The following SDK2 variants were observed in gnomAD, a reference collection of about 807,000 sequenced individuals.
SDK2 encodes sidekick cell adhesion molecule 2.
Under a neutral mutation model 253.9 loss-of-function variants are expected in SDK2, and 105 were observed. That is an observed-to-expected ratio of 0.41 (90% CI 0.35 to 0.49). SDK2 has a LOEUF of 0.49. Ranked by LOEUF, SDK2 falls within the 20% of genes least tolerant of loss-of-function variation. The probability of loss-of-function intolerance (pLI) is 0.06; values close to 1 mark genes in which losing one functional copy is unlikely to be tolerated. For missense variants in SDK2, 2,608 were observed against 3,003.0 expected (o/e 0.87, Z 3.07); for synonymous variants, 1,249 against 1,234.9 (o/e 1.01, Z -0.24).
chr17:73,580,217 T>G (rs1275071329), intron 1 of SDK2, among the ~76,000 whole-genome samples: 1 of 152,224 alleles, frequency 6.6e-6, no homozygotes. Flanking sequence ...TGGGTTCTCC[T>G]TTCTGTTAGA....
At chr17:73,472,965 A>T (rs2145696419) in intron 2 of SDK2, among the ~76,000 whole-genome samples, 1 of 152,346 alleles carries the variant, frequency 6.6e-6, no homozygotes, top group South Asian at 2.1e-4. Context: ...CCCCAGCCAC[A>T]TGGAACTGTG....
intron 12 of SDK2, among the ~76,000 whole-genome samples, chr17:73,424,585 A>G (rs909615219): frequency 6.6e-6 from 1 of 152,268 alleles, no homozygotes; most frequent in African/African-American, 2.4e-5. Context: ...CAGTCAATAC[A>G]AATGGGGCTT....
intron 16 of SDK2, among the ~76,000 whole-genome samples, chr17:73,418,071 G>A (rs1436797362): frequency 6.7e-6 from 1 of 148,762 alleles, no homozygotes; most frequent in South Asian, 2.1e-4. Flanking sequence ...GCAGTGGTGC[G>A]ATCTTGGCTC....
chr17:73,415,828 T>G lies in SDK2; in HGVS notation c.2351A>C (p.Glu784Ala). ...GLGVYSSKVT[E>A]WTLQGVPTVP... is the part of the protein sequence containing the mutation. ...CTACCTACCTCCCTGCAGCGTCCAC[T>G]CGGTGACTTTACTGCTGTAGACCCC... The change falls in exon 17 of 45, where the codon GAG (glutamate) becomes GCG (alanine). Residue 784 changes from glutamate to alanine, a missense_variant. Glu to Ala is a moderately radical substitution (Grantham distance 107). Transcript: ENST00000392650. The G allele has an allele frequency of 1.3e-6, 2 of 1,553,626 alleles. No individual in the cohort carries two copies. Among genetic ancestry groups the G allele is most frequent in the Non-Finnish European group, 1.7e-6 (2 of 1,148,092 alleles).
chr17:73,627,651 C>T (rs374757522), intron 1 of SDK2, among the ~76,000 whole-genome samples: 6 of 152,342 alleles, frequency 3.9e-5, no homozygotes, highest in East Asian at 1.9e-4. Context: ...CAGAGCCCCT[C>T]GGGCTCACAT....
At chr17:73,562,426 T>C (rs1472180427) in intron 1 of SDK2, among the ~76,000 whole-genome samples, 3 of 152,220 alleles carry the variant, frequency 2.0e-5, no homozygotes, top group Admixed American at 6.5e-5. Context: ...GTTCTCTTTT[T>C]AGATCCAATT....
chr17:73,341,814 G>A (rs1256640154), intron 44 of SDK2, among the ~76,000 whole-genome samples: 6 of 152,170 alleles, frequency 3.9e-5, no homozygotes, highest in Non-Finnish European at 8.8e-5. Flanking sequence ...AATGGAGCAG[G>A]CCCTCTGCCA....
chr17:73,380,017 T>G (rs560570834), intron 34 of SDK2, among the ~76,000 whole-genome samples: 123 of 152,224 alleles, frequency 8.1e-4, no homozygotes, highest in Non-Finnish European at 1.5e-3. Context: ...AATTCTGGAC[T>G]AAGAAACCTG....
intron 27 of SDK2, among the ~76,000 whole-genome samples, chr17:73,392,298 C>A (rs2062934812): frequency 6.6e-6 from 1 of 150,400 alleles, no homozygotes; most frequent in Admixed American, 6.6e-5. Flanking sequence ...AATACCGAGT[C>A]TCGCTCTGTT....
In SDK2 at chr17:73,362,405, A is replaced by AGT. The variant is rs1402382502; in HGVS notation, c.5306-561_5306-560insAC. On this transcript the variant is annotated intron_variant, in intron 38 of 44. Coordinates refer to ENST00000392650, the MANE Select transcript of SDK2 (RefSeq NM_001144952.2). ...GCCCTCCAGCACCTATATCTGCCAC[A>AGT]ATTTTTTTTTTTTTTTTAAGACAAG... Among the ~76,000 whole-genome samples the AGT allele has an allele frequency of 8.8e-4, 99 of 112,478 alleles. 1 individual carries two copies. The highest frequency in any genetic ancestry group is 3.6e-3 in the African/African-American group (95 of 26,148). 73.8% of individuals were successfully genotyped at this position (112,478 alleles called of 152,430 possible). A position where few individuals can be genotyped will look rare whatever the true frequency, so the allele number is the denominator to read the frequency against.
At chr17:73,375,449 G>A (rs1262633442) in intron 36 of SDK2, among the ~76,000 whole-genome samples, 1 of 151,896 alleles carries the variant, frequency 6.6e-6, no homozygotes, top group Non-Finnish European at 1.5e-5. Flanking sequence ...CTTTTACCAT[G>A]TTGCCCAGGC....
In SDK2 at chr17:73,480,393, C is replaced by A. The variant is rs555347719; in HGVS notation, c.225-8175G>T. Among the ~76,000 whole-genome samples the A allele has an allele frequency of 3.9e-5, 6 of 152,234 alleles. No homozygotes were observed. The South Asian group carries it at 1.0e-3, about 26-fold the overall frequency. Reference sequence around the variant, plus strand: ...AAATTTTGATCTAGGCCATGTTAATCAAAAATTGTTGCTGAGTGCTGGCCA... The same window carrying A: ...AAATTTTGATCTAGGCCATGTTAATAAAAAATTGTTGCTGAGTGCTGGCCA... On this transcript the variant is annotated intron_variant, in intron 2 of 44. Coordinates refer to ENST00000392650, the MANE Select transcript of SDK2 (RefSeq NM_001144952.2).
At chr17:73,425,330 G>C (rs2063272330) in intron 12 of SDK2, among the ~76,000 whole-genome samples, 1 of 152,168 alleles carries the variant, frequency 6.6e-6, no homozygotes, top group Non-Finnish European at 1.5e-5. Context: ...AAACTCAAAA[G>C]TTTTCTGATA....
intron 36 of SDK2, among the ~76,000 whole-genome samples, chr17:73,378,850 G>T (rs956255046): frequency 3.3e-5 from 5 of 152,176 alleles, no homozygotes; most frequent in African/African-American, 1.2e-4. Flanking sequence ...TATGTATGGG[G>T]TTGGGGGCTG....
chr17:73,527,100 G>A (rs1042616487), intron 1 of SDK2, among the ~76,000 whole-genome samples: 1 of 152,212 alleles, frequency 6.6e-6, no homozygotes, highest in Non-Finnish European at 1.5e-5. Flanking sequence ...CTAGGCGGAT[G>A]GGCACTTGGG....
In SDK2 at chr17:73,383,425, G is replaced by A. The variant is rs1409600511; in HGVS notation, c.4705+451C>T. Among the ~76,000 whole-genome samples the A allele has an allele frequency of 6.6e-6, 1 of 152,230 alleles. No individual in the cohort carries two copies. The highest frequency in any genetic ancestry group is 1.5e-5 in the Non-Finnish European group (1 of 68,048). ...GACTACTGCTCTAGGGGTGTGACCAGGTGAGGCTTCTGGTCCCTCAAGGGC... is the reference window on the plus strand; with the variant it reads ...GACTACTGCTCTAGGGGTGTGACCAAGTGAGGCTTCTGGTCCCTCAAGGGC... On this transcript the variant is annotated intron_variant, in intron 33 of 44. Coordinates refer to ENST00000392650, the MANE Select transcript of SDK2 (RefSeq NM_001144952.2). This position sits in a 1 kb window ranked among gnomAD's most constrained non-coding sequence, Gnocchi z 4.3.
Position 73,435,084 on chromosome 17 carries a change from T to C in SDK2, c.1195+366A>G, listed in dbSNP as rs896016985. Among the ~76,000 whole-genome samples the C allele has an allele frequency of 3.3e-5, 5 of 152,026 alleles. No individual in the cohort carries two copies. The highest frequency in any genetic ancestry group is 7.4e-5 in the Non-Finnish European group (5 of 67,996). On this transcript the variant is annotated intron_variant, in intron 9 of 44. Coordinates refer to ENST00000392650, the MANE Select transcript of SDK2 (RefSeq NM_001144952.2). The surrounding 1 kb of genome is among the most constrained non-coding windows in gnomAD (Gnocchi z 5.7). ...TTTCTTCTTTGGAAACATGAGCAGGTCTTCTGGAATGGGGTTACTCCAGCC... is the reference window on the plus strand; with the variant it reads ...TTTCTTCTTTGGAAACATGAGCAGGCCTTCTGGAATGGGGTTACTCCAGCC...
At chr17:73,610,072 C>T (rs577998025) in intron 1 of SDK2, among the ~76,000 whole-genome samples, 6 of 152,188 alleles carry the variant, frequency 3.9e-5, no homozygotes, top group Admixed American at 1.3e-4. Context: ...GACACCCCGT[C>T]TTTCTCCTCC....
chr17:73,635,968 G>A (rs1302660390), intron 1 of SDK2, among the ~76,000 whole-genome samples: 1 of 152,190 alleles, frequency 6.6e-6, no homozygotes, highest in African/African-American at 2.4e-5. Flanking sequence ...AGGAGGAGGA[G>A]GAAAAGGAAG....
Sources: allele counts gnomAD v4.1 joint callset (sites outside exome capture counted in the v4.1 genomes callset), GRCh38; gene constraint gnomAD v4.1.1; non-coding constraint Gnocchi (gnomAD v3.1); transcripts MANE v1.5; gene names NCBI Gene and HGNC (gene_info 2026-07-23, HGNC 2026-07-21).